GABRA2: variants seen among roughly 807,000 people sequenced by gnomAD.
GABRA2 encodes the protein gamma-aminobutyric acid type A receptor subunit alpha2.
Under a neutral mutation model 48.7 loss-of-function variants are expected in GABRA2, and 16 were observed. The ratio of observed to expected loss-of-function variants is 0.33; its 90% CI spans 0.22 to 0.50. The LOEUF is 0.50. Ranked by LOEUF, GABRA2 falls within the 20% of genes least tolerant of loss-of-function variation. The pLI is 0.98. For missense variants in GABRA2, 275 were observed against 535.6 expected (o/e 0.51, Z 4.80); for synonymous variants, 185 against 184.5 (o/e 1.00, Z -0.02).
chr4:46,312,462 A>C (rs1444615982), intron 5 of GABRA2, 34 bp downstream of exon 5: 2 of 1,423,492 alleles, frequency 1.4e-6, no homozygotes, highest in South Asian at 2.3e-5. Context: ...ATTTCTCAGT[A>C]TATAAATACA....
At chr4:46,260,413 T>G (rs1716720143) in intron 9 of GABRA2, among the ~76,000 whole-genome samples, 1 of 151,902 alleles carries the variant, frequency 6.6e-6, no homozygotes, top group Non-Finnish European at 1.5e-5. Context: ...CATTATCAAT[T>G]ATTTGTTTTT....
chr4:46,284,019 A>G (rs1288047490), intron 8 of GABRA2, among the ~76,000 whole-genome samples: 3 of 150,840 alleles, frequency 2.0e-5, no homozygotes, highest in Non-Finnish European at 4.4e-5. Context: ...TCAGCCTCCC[A>G]AAGTGCTGGG....
intron 4 of GABRA2, among the ~76,000 whole-genome samples, chr4:46,316,411 C>T (rs1401874841): frequency 1.3e-5 from 2 of 152,012 alleles, no homozygotes; most frequent in African/African-American, 4.8e-5. Flanking sequence ...ATGAGCATGG[C>T]TATGTTCCAA....
At chr4:46,351,247 G>A (rs1735079583) in intron 3 of GABRA2, among the ~76,000 whole-genome samples, 1 of 151,916 alleles carries the variant, frequency 6.6e-6, no homozygotes, top group Admixed American at 6.6e-5. Flanking sequence ...AGGGTTTGGA[G>A]CTCAAAGTGA....
chr4:46,301,637 C>A (rs1207198746), intron 8 of GABRA2, among the ~76,000 whole-genome samples: 1 of 152,186 alleles, frequency 6.6e-6, no homozygotes, highest in Non-Finnish European at 1.5e-5. Flanking sequence ...GAAAGTCCTA[C>A]TCATCTTCCA....
At position 46,245,435 on chromosome 4, in the gene GABRA2, T is replaced by A. The variant is rs535368992; in HGVS notation, c.*4873A>T. On this transcript the variant is annotated 3_prime_UTR_variant, in exon 10 of 10. Transcript: ENST00000381620. Reference sequence around the variant, plus strand: ...GATCATTTTGAATTTAATCTTTTTTTAAAAAAAAACTAGAAATACATTCGA... The same window carrying A: ...GATCATTTTGAATTTAATCTTTTTTAAAAAAAAAACTAGAAATACATTCGA... Among the ~76,000 whole-genome samples, 50 of 150,474 alleles carry A rather than the reference T, an allele frequency of 3.3e-4. No individual in the cohort carries two copies. The highest frequency in any genetic ancestry group is 8.0e-4 in the African/African-American group (33 of 41,256).
intron 3 of GABRA2, among the ~76,000 whole-genome samples, chr4:46,339,007 G>T (rs1398617397): frequency 4.0e-5 from 6 of 151,826 alleles, no homozygotes; most frequent in Admixed American, 3.9e-4. Flanking sequence ...TGTTCATTAT[G>T]GATGGGTATA....
intron 8 of GABRA2, among the ~76,000 whole-genome samples, chr4:46,271,426 CT>C (rs1332242130): frequency 1.3e-5 from 2 of 151,976 alleles, no homozygotes; most frequent in African/African-American, 4.8e-5. Flanking sequence ...GTGCAAGAAC[CT>C]TTGACATTTT....
chr4:46,287,976 A>C (rs997697574), intron 8 of GABRA2, among the ~76,000 whole-genome samples: 1 of 152,134 alleles, frequency 6.6e-6, no homozygotes, highest in Non-Finnish European at 1.5e-5. Flanking sequence ...TTACATGGAT[A>C]GCAGTAGGCA....
At chr4:46,283,607 T>C (rs904676856) in intron 8 of GABRA2, among the ~76,000 whole-genome samples, 1 of 152,228 alleles carries the variant, frequency 6.6e-6, no homozygotes, top group African/African-American at 2.4e-5. Context: ...CTTTTGGAGT[T>C]TGAATTACTC....
intron 4 of GABRA2, among the ~76,000 whole-genome samples, chr4:46,316,005 C>A (rs1728494653): frequency 1.3e-5 from 2 of 151,706 alleles, no homozygotes; most frequent in Admixed American, 6.6e-5. Flanking sequence ...TTCATATACA[C>A]AGTATCATAC....
rs1718021600 is a variant in GABRA2, at chr4:46,389,863, CCG to C, written c.-141_-140del. ...AGAGAGAGAGAGAGAGAGAGAGAGA[CCG>C]AGACTGCAGCAGCCAAGAGAGCGTG... On this transcript the variant is annotated 5_prime_UTR_variant, in exon 1 of 10. Coordinates refer to ENST00000381620, the MANE Select transcript of GABRA2 (RefSeq NM_000807.4). 1 of 767,110 alleles carries C rather than the reference CCG, an allele frequency of 1.3e-6. No individual in the cohort carries two copies. Among genetic ancestry groups the C allele is most frequent in the Non-Finnish European group, 1.5e-6 (1 of 682,868 alleles). The allele number at this position is 767,110 out of a possible 1,614,324, so 47.5% of individuals were successfully genotyped here. A position where few individuals can be genotyped will look rare whatever the true frequency, so the allele number is the denominator to read the frequency against.
At chr4:46,255,178 G>A (rs1214042001) in intron 9 of GABRA2, among the ~76,000 whole-genome samples, 1 of 151,574 alleles carries the variant, frequency 6.6e-6, no homozygotes, top group Non-Finnish European at 1.5e-5. Flanking sequence ...TCCTAGCATA[G>A]TTCCTGGCTC....
chr4:46,354,004 A>T (rs1735571701), intron 3 of GABRA2, among the ~76,000 whole-genome samples: 1 of 152,164 alleles, frequency 6.6e-6, no homozygotes, highest in South Asian at 2.1e-4. Flanking sequence ...ACACTCAATA[A>T]ATATGTATTC....
At chr4:46,328,297 C>CACACGCATGTGTGTGTGT (rs552233968) in intron 4 of GABRA2, among the ~76,000 whole-genome samples, 1 of 50,450 alleles carries the variant, frequency 2.0e-5, no homozygotes, top group South Asian at 4.4e-4. Flanking sequence ...TGTGTGTGTG[C>CACACGCATGTGTGTGTGT]GCACACGCAT....
At chr4:46,377,834 A>G (rs1413841998) in intron 3 of GABRA2, among the ~76,000 whole-genome samples, 1 of 139,350 alleles carries the variant, frequency 7.2e-6, no homozygotes, top group African/African-American at 2.7e-5. Context: ...CTGCCCGGCC[A>G]GCTGCCCCGT....
intron 9 of GABRA2, among the ~76,000 whole-genome samples, chr4:46,251,196 G>A (rs1021625828): frequency 1.3e-5 from 2 of 151,388 alleles, no homozygotes; most frequent in African/African-American, 4.8e-5. Flanking sequence ...ATAATCTCTA[G>A]TTCCATTATC....
intron 8 of GABRA2, among the ~76,000 whole-genome samples, chr4:46,266,443 C>T (rs570181370): frequency 7.2e-4 from 108 of 149,334 alleles, no homozygotes; most frequent in Non-Finnish European, 1.3e-3. Flanking sequence ...TTTCAAATAT[C>T]TTCCCATGGC....
chr4:46,304,868 T>A (rs1182790544), intron 7 of GABRA2, among the ~76,000 whole-genome samples: 3 of 139,602 alleles, frequency 2.1e-5, no homozygotes, highest in Non-Finnish European at 4.5e-5. Context: ...GAGGTTGCAG[T>A]GAGCCCAGAT....
Sources: gnomAD v4.1 joint callset for allele counts (sites outside exome capture counted in the v4.1 genomes callset) on GRCh38, gnomAD v4.1.1 for gene constraint, MANE v1.5 for transcripts, NCBI Gene and HGNC (gene_info 2026-07-23, HGNC 2026-07-21) for gene names.